MRRF: variants seen among roughly 807,000 people sequenced by gnomAD.
The protein encoded by MRRF is ribosome-recycling factor, mitochondrial.
A neutral mutation model predicts 25.1 loss-of-function variants in MRRF; 18 were observed. The observed-to-expected ratio is 0.72, with a 90% CI of 0.50 to 1.06. The LOEUF is 1.06. MRRF is among the 50% of genes least tolerant of loss of function. The pLI, the probability that MRRF is intolerant of heterozygous loss-of-function variation, is 0.00. For missense variants in MRRF, 323 were observed against 319.3 expected, an observed-to-expected ratio of 1.01 and a Z score of -0.09; for synonymous variants, 113 against 112.1, an observed-to-expected ratio of 1.01 and a Z score of -0.05.
At chr9:122,273,958 G>C (rs930132033) in intron 2 of MRRF, among the ~76,000 whole-genome samples, 1 of 152,102 alleles carries the variant, frequency 6.6e-6, no homozygotes, top group African/African-American at 2.4e-5. Flanking sequence ...GTTGTTTCCA[G>C]TTTTGAGCTA....
chr9:122,265,770 G>A (rs1175257229), intron 1 of MRRF: 1 of 1,288,682 alleles, frequency 7.8e-7, no homozygotes, highest in East Asian at 5.5e-5. Flanking sequence ...CAGATGGCAG[G>A]GAGTGATAAG....
intron 1 of MRRF, among the ~76,000 whole-genome samples, chr9:122,267,367 T>TGAGA (rs770922172): frequency 1.1e-3 from 163 of 143,292 alleles, no homozygotes; most frequent in Non-Finnish European, 2.0e-3. Context: ...GGCAACAGAG[T>TGAGA]GAGACTCTGT....
chr9:122,312,161 G>C (rs927075515), intron 5 of MRRF, among the ~76,000 whole-genome samples: 2 of 152,198 alleles, frequency 1.3e-5, no homozygotes, highest in Non-Finnish European at 2.9e-5. Flanking sequence ...AGGCCAGAAA[G>C]ATCGGGGTTT....
chr9:122,326,533 T>C lies in MRRF; in HGVS notation c.*3916T>C, dbSNP rs977744442. On this transcript the variant is annotated 3_prime_UTR_variant, in exon 7 of 7. Transcript: ENST00000344641. ...TACATAATAGATACAATTTATTATT[T>C]CATTGTGATACAGTATTCCATAATA... is the stretch of plus-strand genomic sequence containing the variant. 6.6e-6 allele frequency: 1 copy of C among 152,254 alleles called. No homozygotes were observed. The highest frequency in any genetic ancestry group is 1.5e-5 in the Non-Finnish European group (1 of 68,044). 9.4% of individuals were successfully genotyped at this position (152,254 alleles called of 1,614,324 possible).
chr9:122,285,277 G>A lies in MRRF; in HGVS notation c.449G>A (p.Ser150Asn), dbSNP rs905310294. ...CAGCTGATTTTGGTGAATATGGCCAGCTTCCCAGAGGTAAGATGGCCTTGC... is the reference window on the plus strand; with the variant it reads ...CAGCTGATTTTGGTGAATATGGCCAACTTCCCAGAGGTAAGATGGCCTTGC... ...SPQLILVNMA[S>N]FPECTAAAIK... is the part of the protein sequence containing the mutation. Residue 150 changes from serine (S) to asparagine (N), a missense_variant, in exon 4 of 7, where the codon AGC becomes AAC. Transcript: ENST00000344641. The A allele has an allele frequency of 1.2e-6, 2 of 1,602,152 alleles. No homozygotes were observed. Among genetic ancestry groups the A allele is most frequent in the African/African-American group, 2.7e-5 (2 of 74,666 alleles).
chr9:122,322,501 G>A (rs754647363), intron 6 of MRRF, 39 bp from the exon 7 acceptor site: 1 of 1,583,178 alleles, frequency 6.3e-7, no homozygotes, highest in East Asian at 2.2e-5. Context: ...CCCTTTTCCA[G>A]CCCCATTAAT....
At chr9:122,313,138 G>T in intron 5 of MRRF, 89 bp from the exon 6 acceptor site, 1 of 1,346,724 alleles carries the variant, frequency 7.4e-7, no homozygotes, top group Non-Finnish European at 1.0e-6. Context: ...GTTACAAACT[G>T]CTGAACTGGT....
intron 5 of MRRF, among the ~76,000 whole-genome samples, chr9:122,297,195 C>T (rs542657049): frequency 6.6e-6 from 1 of 152,228 alleles, no homozygotes; most frequent in Admixed American, 6.5e-5. Context: ...CGCCTGTAAT[C>T]CCAGCTACTC....
At chr9:122,300,126 G>T (rs960396766) in intron 5 of MRRF, among the ~76,000 whole-genome samples, 2 of 152,220 alleles carry the variant, frequency 1.3e-5, no homozygotes, top group Non-Finnish European at 2.9e-5. Flanking sequence ...CTGATGGGGC[G>T]TTCCTGAGCA....
chr9:122,280,723 T>A, intron 3 of MRRF, 125 bp downstream of exon 3: 1 of 836,792 alleles, frequency 1.2e-6, no homozygotes. Context: ...ACTTTGCTTT[T>A]CTGGTCCTCG....
At chr9:122,293,128 A>G (rs1267966259) in intron 5 of MRRF, among the ~76,000 whole-genome samples, 1 of 152,120 alleles carries the variant, frequency 6.6e-6, no homozygotes, top group Non-Finnish European at 1.5e-5. Context: ...GTAAGGGGAT[A>G]GGGAGATTTG....
At position 122,270,850 on chromosome 9, in the gene MRRF, C is replaced by G; in HGVS notation, c.-28-14C>G. ...TCTTTTACTTAGATCTGCTTTTTGT[C>G]TTATTCTTTTTAGTGGATGTTTCCA... On this transcript the variant is annotated splice_polypyrimidine_tract_variant and intron_variant, in intron 1 of 6. Transcript: ENST00000344641. 6.2e-7 allele frequency: 1 copy of G among 1,606,148 alleles called. No homozygotes were observed. The highest frequency in any genetic ancestry group is 8.5e-7 in the Non-Finnish European group (1 of 1,172,864).
chr9:122,309,581 C>T (rs1835079451), intron 5 of MRRF, among the ~76,000 whole-genome samples: 1 of 152,214 alleles, frequency 6.6e-6, no homozygotes, highest in African/African-American at 2.4e-5. Flanking sequence ...TGGTCAGACT[C>T]CTTTCCCCAC....
At chr9:122,275,772 T>C (rs1250816960) in intron 2 of MRRF, among the ~76,000 whole-genome samples, 2 of 152,186 alleles carry the variant, frequency 1.3e-5, no homozygotes, top group Non-Finnish European at 2.9e-5. Context: ...GGTCTCGTTT[T>C]TTAAGGTTGA....
At chr9:122,317,920 A>G (rs891838453) in intron 6 of MRRF, among the ~76,000 whole-genome samples, 1 of 152,096 alleles carries the variant, frequency 6.6e-6, no homozygotes, top group African/African-American at 2.4e-5. Context: ...GGTAGTTCAC[A>G]AAGTCAGGAG....
intron 2 of MRRF, among the ~76,000 whole-genome samples, chr9:122,275,730 T>C (rs1832732202): frequency 6.6e-6 from 1 of 152,176 alleles, no homozygotes; most frequent in South Asian, 2.1e-4. Context: ...CTTAGTGTAA[T>C]GTCCTCCGGG....
At chr9:122,313,728 C>T (rs1460594146) in intron 6 of MRRF, among the ~76,000 whole-genome samples, 1 of 152,116 alleles carries the variant, frequency 6.6e-6, no homozygotes, top group Non-Finnish European at 1.5e-5. Context: ...TGGTAGAAAT[C>T]GGATCCATAC....
intron 5 of MRRF, among the ~76,000 whole-genome samples, chr9:122,303,538 C>G (rs186395235): frequency 4.8e-4 from 73 of 151,836 alleles, no homozygotes; most frequent in Admixed American, 1.2e-3. Flanking sequence ...AGCCACCAAG[C>G]CTGGCTAATT....
At chr9:122,265,217 A>G (rs932117541) in intron 1 of MRRF, among the ~76,000 whole-genome samples, 1 of 152,166 alleles carries the variant, frequency 6.6e-6, no homozygotes, top group African/African-American at 2.4e-5. Context: ...TTTCAGAACA[A>G]TCCCATAGGA....
Sources: allele counts gnomAD v4.1 joint callset (sites outside exome capture counted in the v4.1 genomes callset), GRCh38; gene constraint gnomAD v4.1.1; transcripts MANE v1.5; gene names NCBI Gene and HGNC (gene_info 2026-07-23, HGNC 2026-07-21).